PTPRD: variants seen among roughly 807,000 people sequenced by gnomAD.
PTPRD encodes the protein protein tyrosine phosphatase receptor type D.
Under a neutral mutation model 214.5 loss-of-function variants are expected in PTPRD, and 34 were observed. The observed-to-expected ratio is 0.16, with a 90% CI of 0.12 to 0.21. PTPRD has a LOEUF of 0.21. Ranked by LOEUF, PTPRD falls within the 10% of genes least tolerant of loss-of-function variation. PTPRD has a pLI of 1.00. For missense variants in PTPRD, 2,545 were observed against 2,398.7 expected (o/e 1.06, Z -1.27); for synonymous variants, 1,128 against 845.7 (o/e 1.33, Z -5.79).
chr9:8,485,148 G>T, intron 29 of PTPRD, 79 bp downstream of exon 29: 1 of 1,206,018 alleles, frequency 8.3e-7, no homozygotes, highest in Non-Finnish European at 1.2e-6. Context: ...TGGTCTGCTT[G>T]CTGTGCAAAT....
chr9:9,642,454 G>T (rs1040384740), intron 7 of PTPRD, among the ~76,000 whole-genome samples: 3 of 152,090 alleles, frequency 2.0e-5, no homozygotes, highest in African/African-American at 7.2e-5. Flanking sequence ...TTAGATGAAT[G>T]CATACTTTCA....
intron 10 of PTPRD, among the ~76,000 whole-genome samples, chr9:9,145,760 G>T (rs550273889): frequency 6.6e-6 from 1 of 152,302 alleles, no homozygotes; most frequent in South Asian, 2.1e-4. Flanking sequence ...CTTGGTCAGA[G>T]ATTGGGACTA....
At chr9:10,608,525 A>G (rs770235127) in intron 2 of PTPRD, among the ~76,000 whole-genome samples, 5 of 152,112 alleles carry the variant, frequency 3.3e-5, no homozygotes, top group Non-Finnish European at 5.9e-5. Context: ...TAACTCCTAC[A>G]GGATTCTCAA....
At chr9:9,332,528 G>C (rs1382909915) in intron 9 of PTPRD, among the ~76,000 whole-genome samples, 1 of 149,442 alleles carries the variant, frequency 6.7e-6, no homozygotes, top group Non-Finnish European at 1.5e-5. Flanking sequence ...AAGATAATCT[G>C]TTTCATTTAT....
chr9:10,335,899 G>T (rs560467282), intron 3 of PTPRD, among the ~76,000 whole-genome samples: 5 of 151,716 alleles, frequency 3.3e-5, no homozygotes, highest in African/African-American at 1.2e-4. Context: ...ATATCAGTAC[G>T]TACTTATTAG....
chr9:9,209,616 T>C (rs2099947233), intron 9 of PTPRD, among the ~76,000 whole-genome samples: 1 of 152,160 alleles, frequency 6.6e-6, no homozygotes, highest in Non-Finnish European at 1.5e-5. Context: ...TACTACTATT[T>C]TGTAGAGGAT....
At chr9:10,405,516 C>A (rs1414038438) in intron 2 of PTPRD, among the ~76,000 whole-genome samples, 1 of 78,960 alleles carries the variant, frequency 1.3e-5, no homozygotes, top group African/African-American at 3.6e-5. Context: ...ATGATTAATT[C>A]ACTAAACAAG....
intron 4 of PTPRD, among the ~76,000 whole-genome samples, chr9:9,942,992 G>T (rs2091879893): frequency 6.6e-6 from 1 of 151,446 alleles, no homozygotes; most frequent in South Asian, 2.1e-4. Context: ...GCCCTCTGGT[G>T]GCATTCTGCT....
At chr9:8,852,691 A>T (rs2097844049) in intron 11 of PTPRD, among the ~76,000 whole-genome samples, 1 of 152,214 alleles carries the variant, frequency 6.6e-6, no homozygotes, top group Non-Finnish European at 1.5e-5. Context: ...CATTTAGTTT[A>T]CTTATCTATG....
intron 11 of PTPRD, among the ~76,000 whole-genome samples, chr9:8,837,656 C>G (rs553190505): frequency 6.6e-6 from 1 of 152,158 alleles, no homozygotes; most frequent in Non-Finnish European, 1.5e-5. Flanking sequence ...ACCACCATGC[C>G]TCGCTAAACT....
At chr9:9,889,918 G>A (rs984483326) in intron 5 of PTPRD, among the ~76,000 whole-genome samples, 1 of 151,938 alleles carries the variant, frequency 6.6e-6, no homozygotes, top group Non-Finnish European at 1.5e-5. Context: ...TTCCCTGTAG[G>A]CACTTTCCTG....
At chr9:10,084,610 C>T (rs925239141) in intron 3 of PTPRD, among the ~76,000 whole-genome samples, 1 of 151,846 alleles carries the variant, frequency 6.6e-6, no homozygotes, top group African/African-American at 2.4e-5. Flanking sequence ...TTGGAAAGAA[C>T]ACTTGATTAT....
At chr9:9,309,856 C>T (rs1958362001) in intron 9 of PTPRD, among the ~76,000 whole-genome samples, 1 of 152,094 alleles carries the variant, frequency 6.6e-6, no homozygotes, top group South Asian at 2.1e-4. Flanking sequence ...TGGCTCTATT[C>T]TTAAGTCAGC....
At chr9:8,440,084 A>G (rs1301978247) in intron 34 of PTPRD, among the ~76,000 whole-genome samples, 1 of 151,376 alleles carries the variant, frequency 6.6e-6, no homozygotes, top group Non-Finnish European at 1.5e-5. Context: ...TGGGGGGCCT[A>G]TAACTCCATT....
chr9:8,742,617 T>C (rs1272217945), intron 11 of PTPRD, among the ~76,000 whole-genome samples: 3 of 152,188 alleles, frequency 2.0e-5, no homozygotes, highest in Non-Finnish European at 4.4e-5. Flanking sequence ...AATACATATT[T>C]TACTTCTTTA....
intron 8 of PTPRD, among the ~76,000 whole-genome samples, chr9:9,402,270 G>A (rs2070950135): frequency 1.3e-5 from 2 of 152,078 alleles, no homozygotes; most frequent in Admixed American, 1.3e-4. Flanking sequence ...TTAATATGCA[G>A]TCAGTGATAT....
chr9:10,284,605 A>G (rs1418912586), intron 3 of PTPRD, among the ~76,000 whole-genome samples: 1 of 152,230 alleles, frequency 6.6e-6, no homozygotes, highest in African/African-American at 2.4e-5. Context: ...GGTCAGAAAT[A>G]TAGGCATGGC....
At chr9:9,667,755 C>T (rs2154384302) in intron 7 of PTPRD, among the ~76,000 whole-genome samples, 1 of 152,226 alleles carries the variant, frequency 6.6e-6, no homozygotes, top group Non-Finnish European at 1.5e-5. Flanking sequence ...TGGTGCTTGG[C>T]AGAAGGCAGG....
chr9:9,615,512 G>T, intron 7 of PTPRD, among the ~76,000 whole-genome samples: 1 of 152,118 alleles, frequency 6.6e-6, no homozygotes, highest in East Asian at 1.9e-4. Flanking sequence ...TGCTTAGGTT[G>T]CCATATAAAA....
Sources: gnomAD v4.1 joint callset for allele counts (sites outside exome capture counted in the v4.1 genomes callset) on GRCh38, gnomAD v4.1.1 for gene constraint, MANE v1.5 for transcripts, NCBI Gene and HGNC (gene_info 2026-07-23, HGNC 2026-07-21) for gene names.